Variants in ATP8B4 observed in about 807,000 individuals in gnomAD.
ATP8B4 encodes the protein probable phospholipid-transporting ATPase IM.
A neutral mutation model predicts 145.6 loss-of-function variants in ATP8B4; 133 were observed. The ratio of observed to expected loss-of-function variants is 0.91; its 90% CI spans 0.79 to 1.05. ATP8B4 has a LOEUF of 1.05. Ranked by LOEUF, ATP8B4 falls within the 50% of genes least tolerant of loss-of-function variation. ATP8B4 has a pLI of 0.00. For missense variants in ATP8B4, 1,458 were observed against 1,425.2 expected, an observed-to-expected ratio of 1.02 and a Z score of -0.37; for synonymous variants, 507 against 492.9, an observed-to-expected ratio of 1.03 and a Z score of -0.38.
intron 6 of ATP8B4, among the ~76,000 whole-genome samples, chr15:50,024,025 A>T (rs976719456): frequency 3.3e-5 from 5 of 152,136 alleles, no homozygotes; most frequent in East Asian, 1.9e-4. Flanking sequence ...TATTATTTTT[A>T]AAAATATTAA....
intron 25 of ATP8B4, among the ~76,000 whole-genome samples, chr15:49,870,518 A>T (rs918906498): frequency 6.6e-6 from 1 of 152,250 alleles, no homozygotes; most frequent in Non-Finnish European, 1.5e-5. Flanking sequence ...TCAGCAGGAC[A>T]TAAGATTTAT....
At chr15:49,902,332 C>T (rs2038128151) in intron 20 of ATP8B4, 1 of 152,190 alleles carries the variant, frequency 6.6e-6, no homozygotes, top group Non-Finnish European at 1.5e-5. Context: ...TATGCTGAGG[C>T]TCCTCTGAAA....
chr15:50,011,452 A>G (rs2048715804), intron 6 of ATP8B4, among the ~76,000 whole-genome samples: 1 of 152,204 alleles, frequency 6.6e-6, no homozygotes, highest in South Asian at 2.1e-4. Context: ...GACTACCTAC[A>G]AACCAGCACT....
intron 3 of ATP8B4, among the ~76,000 whole-genome samples, chr15:50,060,584 T>C (rs2052936771): frequency 6.6e-6 from 1 of 152,134 alleles, no homozygotes; most frequent in South Asian, 2.1e-4. Context: ...AATGAGATAA[T>C]ACATGTAAAG....
chr15:50,031,496 C>T (rs1260841531), intron 6 of ATP8B4, among the ~76,000 whole-genome samples: 2 of 152,090 alleles, frequency 1.3e-5, no homozygotes, highest in Non-Finnish European at 2.9e-5. Context: ...TCCCACTCTC[C>T]CACTTACAAG....
intron 1 of ATP8B4, among the ~76,000 whole-genome samples, chr15:50,165,834 A>G (rs1438895555): frequency 6.6e-6 from 1 of 152,180 alleles, no homozygotes; most frequent in Non-Finnish European, 1.5e-5. Flanking sequence ...CAAATGACTC[A>G]ACACAAACTG....
intron 1 of ATP8B4, among the ~76,000 whole-genome samples, chr15:50,172,724 T>G (rs1411177230): frequency 6.6e-6 from 1 of 150,820 alleles, no homozygotes; most frequent in African/African-American, 2.5e-5. Flanking sequence ...CTGCCCATCG[T>G]CTGAGATGTG....
intron 1 of ATP8B4, among the ~76,000 whole-genome samples, chr15:50,170,736 A>C (rs1356150661): frequency 6.6e-6 from 1 of 152,228 alleles, no homozygotes; most frequent in Non-Finnish European, 1.5e-5. Context: ...TGAATGGCCT[A>C]AATGCTCCAC....
At chr15:50,172,654 T>C (rs1296437857) in intron 1 of ATP8B4, among the ~76,000 whole-genome samples, 1 of 149,322 alleles carries the variant, frequency 6.7e-6, no homozygotes, top group Non-Finnish European at 1.5e-5. Context: ...GTCTGGGAAG[T>C]GAGGAGCTCC....
intron 1 of ATP8B4, among the ~76,000 whole-genome samples, chr15:50,118,662 T>A (rs919393013): frequency 6.6e-6 from 1 of 152,146 alleles, no homozygotes; most frequent in Non-Finnish European, 1.5e-5. Flanking sequence ...ACTAAAAACA[T>A]AACCCTCAAA....
At chr15:49,910,644 G>A (rs753129771) in intron 20 of ATP8B4, among the ~76,000 whole-genome samples, 12 of 152,090 alleles carry the variant, frequency 7.9e-5, no homozygotes, top group Non-Finnish European at 1.3e-4. Context: ...CAGACTTACC[G>A]TAGACTTATC....
At chr15:50,024,343 T>G (rs982732141) in intron 6 of ATP8B4, among the ~76,000 whole-genome samples, 2 of 152,200 alleles carry the variant, frequency 1.3e-5, no homozygotes, top group African/African-American at 2.4e-5. Flanking sequence ...TTTTCACATT[T>G]TGAAACTATT....
intron 1 of ATP8B4, among the ~76,000 whole-genome samples, chr15:50,144,532 AAC>A (rs1237263590): frequency 6.6e-6 from 1 of 152,106 alleles, no homozygotes; most frequent in African/African-American, 2.4e-5. Flanking sequence ...ACACTTACAA[AAC>A]CATCAGATCA....
At chr15:50,037,203 T>C (rs1488360037) in intron 6 of ATP8B4, among the ~76,000 whole-genome samples, 1 of 152,204 alleles carries the variant, frequency 6.6e-6, no homozygotes, top group African/African-American at 2.4e-5. Context: ...CGTAAGTGTA[T>C]TTACTTTTAA....
chr15:49,878,109 A>T (rs2034783901), intron 24 of ATP8B4, among the ~76,000 whole-genome samples: 1 of 152,220 alleles, frequency 6.6e-6, no homozygotes. Context: ...CTTGATGGTA[A>T]TAGGAAGCCT....
intron 1 of ATP8B4, among the ~76,000 whole-genome samples, chr15:50,112,443 A>G (rs2056991100): frequency 6.6e-6 from 1 of 152,162 alleles, no homozygotes; most frequent in Middle Eastern, 3.4e-3. Context: ...CCAAGGAGGA[A>G]GGGACCCAAT....
At chr15:50,158,675 G>A (rs2044468893) in intron 1 of ATP8B4, among the ~76,000 whole-genome samples, 1 of 152,252 alleles carries the variant, frequency 6.6e-6, no homozygotes, top group African/African-American at 2.4e-5. Context: ...GGGGAAAGGT[G>A]GGGAAAAGAT....
chr15:49,981,212 T>C lies in ATP8B4; in HGVS notation c.831A>G (p.Val277=), dbSNP rs907074473. Reference sequence around the variant, plus strand: ...GCCTAGTTTTGTAACTTACCCATAGTACTAGAGTATTCATCAATCTATCAA... The same window carrying C: ...GCCTAGTTTTGTAACTTACCCATAGCACTAGAGTATTCATCAATCTATCAA... ...TSIDRLMNTL[V]LWIFGFLICL... is the part of the protein sequence containing the mutation. The change falls in exon 11 of 28, where the codon GTA becomes GTG. Residue 277 remains valine, a synonymous_variant. Transcript: ENST00000284509. 1.3e-6 allele frequency: 2 copies of C among 1,591,962 alleles called. No individual in the cohort carries two copies. The highest frequency in any genetic ancestry group is 4.5e-5 in the East Asian group (2 of 44,616).
At chr15:49,925,160 A>G (rs2040602344) in intron 16 of ATP8B4, among the ~76,000 whole-genome samples, 1 of 152,142 alleles carries the variant, frequency 6.6e-6, no homozygotes, top group African/African-American at 2.4e-5. Flanking sequence ...AAATTTTATT[A>G]TATCAGTTTT....
Sources: gnomAD v4.1 joint callset for allele counts (sites outside exome capture counted in the v4.1 genomes callset) on GRCh38, gnomAD v4.1.1 for gene constraint, MANE v1.5 for transcripts, NCBI Gene and HGNC (gene_info 2026-07-23, HGNC 2026-07-21) for gene names.